The following PDE1C variants were observed in gnomAD, a reference collection of about 807,000 sequenced individuals.
PDE1C encodes the protein phosphodiesterase 1C, also known as dual specificity calcium/calmodulin-dependent 3',5'-cyclic nucleotide phosphodiesterase 1C.
A neutral mutation model predicts 93.1 loss-of-function variants in PDE1C; 62 were observed. The ratio of observed to expected loss-of-function variants is 0.67; its 90% CI spans 0.54 to 0.82. The LOEUF (loss-of-function observed/expected upper bound fraction) is 0.82. Among genes scored for constraint, PDE1C ranks in the 40% least tolerant of loss-of-function variants. PDE1C has a pLI of 0.00. For missense variants in PDE1C, 742 were observed against 884.6 expected, an observed-to-expected ratio of 0.84 and a Z score of 2.04; for synonymous variants, 325 against 310.1, an observed-to-expected ratio of 1.05 and a Z score of -0.50.
At chr7:32,188,143 T>C (rs569946567) in intron 2 of PDE1C, among the ~76,000 whole-genome samples, 1 of 152,070 alleles carries the variant, frequency 6.6e-6, no homozygotes, top group South Asian at 2.1e-4. Context: ...GTCTGATAGG[T>C]TTTTTTTCTT....
At chr7:31,820,917 T>C (rs1313051921) in intron 14 of PDE1C, 1 of 151,696 alleles carries the variant, frequency 6.6e-6, no homozygotes, top group Non-Finnish European at 1.5e-5. Context: ...ATTACTTCTA[T>C]TCACCTCAAT....
chr7:32,347,309 A>AT (rs1004137262), intron 1 of PDE1C, among the ~76,000 whole-genome samples: 1 of 152,098 alleles, frequency 6.6e-6, no homozygotes, highest in Non-Finnish European at 1.5e-5. Flanking sequence ...CATGGTATTG[A>AT]TTTTTTTGAG....
intron 1 of PDE1C, among the ~76,000 whole-genome samples, chr7:32,353,789 C>G (rs1027046655): frequency 1.7e-4 from 26 of 151,946 alleles, no homozygotes; most frequent in Non-Finnish European, 3.4e-4. Flanking sequence ...GTATTTTTCT[C>G]TTTTTCATAT....
the PDE1C span, chr7:31,651,973 G>T: frequency 3.1e-6 from 5 of 1,604,406 alleles, no homozygotes; most frequent in African/African-American, 1.3e-5. Context: ...GTTACGTGAG[G>T]CCCTGAGGCA....
chr7:32,414,074 G>A (rs1178069704), intron 1 of PDE1C, among the ~76,000 whole-genome samples: 2 of 151,834 alleles, frequency 1.3e-5, no homozygotes, highest in East Asian at 1.9e-4. Context: ...TTAGCCAGGC[G>A]TGGTGGTGTG....
chr7:31,665,964 T>C, the PDE1C span, among the ~76,000 whole-genome samples: 7 of 152,198 alleles, frequency 4.6e-5, no homozygotes, highest in Non-Finnish European at 8.8e-5. Flanking sequence ...CACTATTGTT[T>C]CTGGTGGAAA....
intron 1 of PDE1C, among the ~76,000 whole-genome samples, chr7:32,348,534 T>C (rs1783897726): frequency 6.6e-6 from 1 of 151,900 alleles, no homozygotes; most frequent in Non-Finnish European, 1.5e-5. Flanking sequence ...CTGGCTAATT[T>C]TTTGTATTTT....
At chr7:31,618,368 T>C in the PDE1C span, among the ~76,000 whole-genome samples, 1 of 152,206 alleles carries the variant, frequency 6.6e-6, no homozygotes, top group African/African-American at 2.4e-5. Flanking sequence ...TCCCCTGTCC[T>C]TTCCTGCTAA....
intron 2 of PDE1C, among the ~76,000 whole-genome samples, chr7:31,979,535 A>AG (rs1176718241): frequency 2.0e-5 from 3 of 152,174 alleles, no homozygotes; most frequent in East Asian, 1.9e-4. Context: ...AGCCACAGGG[A>AG]GGGGTAAAGG....
intron 1 of PDE1C, among the ~76,000 whole-genome samples, chr7:32,356,658 C>T (rs1784034694): frequency 2.0e-5 from 3 of 152,214 alleles, no homozygotes; most frequent in African/African-American, 4.8e-5. Flanking sequence ...ACATCAGCCT[C>T]CTCACCCCTG....
chr7:31,841,250 T>C (rs1487132134), intron 9 of PDE1C, among the ~76,000 whole-genome samples: 1 of 150,862 alleles, frequency 6.6e-6, no homozygotes, highest in Non-Finnish European at 1.5e-5. Context: ...TATATGTATA[T>C]GTGCATATAT....
intron 1 of PDE1C, among the ~76,000 whole-genome samples, chr7:32,258,726 C>G (rs1202934328): frequency 1.3e-5 from 2 of 152,240 alleles, no homozygotes; most frequent in African/African-American, 4.8e-5. Flanking sequence ...CAGCCAACTT[C>G]CTGAAACTTG....
At chr7:31,891,427 G>A (rs1164721542) in intron 2 of PDE1C, among the ~76,000 whole-genome samples, 1 of 152,028 alleles carries the variant, frequency 6.6e-6, no homozygotes, top group Non-Finnish European at 1.5e-5. Flanking sequence ...CTTTGAAAGA[G>A]TCAAATGGAA....
At chr7:31,810,171 G>A (rs1787376165) in intron 15 of PDE1C, among the ~76,000 whole-genome samples, 1 of 152,100 alleles carries the variant, frequency 6.6e-6, no homozygotes, top group Non-Finnish European at 1.5e-5. Context: ...CAATATGCCA[G>A]TATTACATGA....
At chr7:31,647,478 A>C in the PDE1C span, among the ~76,000 whole-genome samples, 8 of 149,390 alleles carry the variant, frequency 5.4e-5, no homozygotes, top group Non-Finnish European at 8.9e-5. Flanking sequence ...CCTGGCCAAC[A>C]TGGCAAAACC....
At chr7:32,378,259 C>G (rs1048892424) in intron 1 of PDE1C, among the ~76,000 whole-genome samples, 10 of 152,242 alleles carry the variant, frequency 6.6e-5, no homozygotes, top group Non-Finnish European at 1.3e-4. Context: ...ACAGCAGCAG[C>G]CAGAAAGATT....
intron 2 of PDE1C, among the ~76,000 whole-genome samples, chr7:31,918,044 A>G (rs1802148882): frequency 6.6e-6 from 1 of 152,206 alleles, no homozygotes; most frequent in Admixed American, 6.5e-5. Context: ...GGAGATTTAC[A>G]AGAGGTCGGG....
At chr7:32,299,084 C>G (rs1812809587) in exon 1 of PDE1C, 1 of 1,081,788 alleles carries the variant, frequency 9.2e-7, no homozygotes, top group South Asian at 4.0e-5. Flanking sequence ...CCTGGCCACG[C>G]TACTCTCTGT....
At chr7:31,651,486 A>G in the PDE1C span, among the ~76,000 whole-genome samples, 1 of 152,100 alleles carries the variant, frequency 6.6e-6, no homozygotes, top group Non-Finnish European at 1.5e-5. Context: ...AGGTCAAAAG[A>G]CAGGCAGTCA....
Sources: allele counts gnomAD v4.1 joint callset (sites outside exome capture counted in the v4.1 genomes callset), GRCh38; gene constraint gnomAD v4.1.1; transcripts MANE v1.5; gene names NCBI Gene and HGNC (gene_info 2026-07-23, HGNC 2026-07-21).